The following GALNT13 variants were observed in gnomAD, a reference collection of about 807,000 sequenced individuals.
GALNT13 encodes polypeptide N-acetylgalactosaminyltransferase 13, also known as UDP-GalNAc:polypeptide N-acetylgalactosaminyltransferase 13.
In GALNT13, 28 loss-of-function variants were observed where a neutral mutation model predicts 64.2. The ratio of observed to expected loss-of-function variants is 0.44; its 90% CI spans 0.32 to 0.60. GALNT13 has a LOEUF of 0.60. Among genes scored for constraint, GALNT13 ranks in the 20% least tolerant of loss-of-function variants. GALNT13 has a pLI of 0.05. For synonymous variants in GALNT13, 214 were observed against 224.6 expected (o/e 0.95, Z 0.42); for missense variants, 577 against 669.8 (o/e 0.86, Z 1.53).
chr2:153,237,774 A>G, the GALNT13 span, among the ~76,000 whole-genome samples: 1 of 152,206 alleles, frequency 6.6e-6, no homozygotes, highest in East Asian at 1.9e-4. Context: ...GTTATTGAGA[A>G]TAGTGCTGCA....
intron 4 of GALNT13, among the ~76,000 whole-genome samples, chr2:154,152,694 C>A (rs1164903276): frequency 1.3e-5 from 2 of 152,192 alleles, no homozygotes; most frequent in African/African-American, 4.8e-5. Context: ...TCTTCCATCA[C>A]TGATACTCTT....
At chr2:154,377,205 A>G (rs1698040274) in intron 9 of GALNT13, among the ~76,000 whole-genome samples, 1 of 152,204 alleles carries the variant, frequency 6.6e-6, no homozygotes. Context: ...TACAGAAGAT[A>G]CTATGATAAT....
the GALNT13 span, among the ~76,000 whole-genome samples, chr2:153,311,081 A>C: frequency 2.0e-5 from 3 of 152,230 alleles, no homozygotes; most frequent in African/African-American, 7.2e-5. Context: ...GAAGGAAGAC[A>C]ATATTTTCAG....
chr2:153,266,620 C>T, the GALNT13 span, among the ~76,000 whole-genome samples: 7 of 151,870 alleles, frequency 4.6e-5, no homozygotes, highest in African/African-American at 1.7e-4. Context: ...CAATTTTAAG[C>T]CATCAGATCT....
chr2:153,859,613 T>C, the GALNT13 span, among the ~76,000 whole-genome samples: 1 of 152,124 alleles, frequency 6.6e-6, no homozygotes, highest in African/African-American at 2.4e-5. Context: ...AATAGATAAG[T>C]ATAACATTGT....
At chr2:153,234,514 C>A in the GALNT13 span, among the ~76,000 whole-genome samples, 20 of 152,238 alleles carry the variant, frequency 1.3e-4, no homozygotes, top group African/African-American at 4.8e-4. Flanking sequence ...CAATGGAGAT[C>A]CGCAGATAGA....
the GALNT13 span, among the ~76,000 whole-genome samples, chr2:153,162,293 T>G: frequency 6.6e-6 from 1 of 152,224 alleles, no homozygotes; most frequent in Non-Finnish European, 1.5e-5. Flanking sequence ...AATTTTCACA[T>G]TTTTCATCCA....
At chr2:154,456,514 G>T (rs1702034409), downstream of GALNT13, among the ~76,000 whole-genome samples, 2 of 151,934 alleles carry the variant, frequency 1.3e-5, no homozygotes, top group South Asian at 4.1e-4. Context: ...TAACCTCCAT[G>T]TTTGTGGATT....
chr2:154,368,954 C>A (rs1559117775), intron 9 of GALNT13, among the ~76,000 whole-genome samples: 1 of 151,604 alleles, frequency 6.6e-6, no homozygotes. Flanking sequence ...CCATTGTGTT[C>A]CGGAATTGTA....
chr2:153,215,591 A>C, the GALNT13 span, among the ~76,000 whole-genome samples: 4 of 152,102 alleles, frequency 2.6e-5, no homozygotes, highest in East Asian at 1.9e-4. Context: ...CCAAGGACAC[A>C]AAAGAAGGGG....
chr2:153,142,524 T>A, the GALNT13 span, among the ~76,000 whole-genome samples: 17 of 151,986 alleles, frequency 1.1e-4, no homozygotes, highest in African/African-American at 4.1e-4. Context: ...TAACGTATAT[T>A]ATCTTTTAGC....
chr2:153,481,554 A>G, the GALNT13 span, among the ~76,000 whole-genome samples: 13 of 152,218 alleles, frequency 8.5e-5, no homozygotes, highest in Non-Finnish European at 1.5e-4. Flanking sequence ...ATACTGAGAA[A>G]GACTAACTGC....
chr2:153,090,769 A>G, the GALNT13 span, among the ~76,000 whole-genome samples: 138,082 of 152,154 alleles, frequency 0.91, 63,478 homozygotes, highest in East Asian at 1. Context: ...TCTGGACTCA[A>G]GCTCTTCTTG....
At chr2:153,486,703 G>T in the GALNT13 span, among the ~76,000 whole-genome samples, 1 of 152,012 alleles carries the variant, frequency 6.6e-6, no homozygotes, top group Non-Finnish European at 1.5e-5. Flanking sequence ...CACTGAGCAT[G>T]CAGTTTTCCG....
the GALNT13 span, among the ~76,000 whole-genome samples, chr2:153,335,356 T>C: frequency 6.6e-6 from 1 of 152,216 alleles, no homozygotes; most frequent in African/African-American, 2.4e-5. Flanking sequence ...ATGGGAAAGT[T>C]TGAAACTTTC....
At chr2:153,969,820 G>A (rs1286407609) in intron 3 of GALNT13, among the ~76,000 whole-genome samples, 2 of 152,006 alleles carry the variant, frequency 1.3e-5, no homozygotes, top group African/African-American at 2.4e-5. Flanking sequence ...TAATCTGTGT[G>A]TTATAATTTA....
chr2:153,189,259 C>T, the GALNT13 span, among the ~76,000 whole-genome samples: 1 of 152,134 alleles, frequency 6.6e-6, no homozygotes, highest in East Asian at 1.9e-4. Context: ...TGGTAACTAT[C>T]ATTCTACTCT....
the GALNT13 span, among the ~76,000 whole-genome samples, chr2:153,311,628 C>T: frequency 6.6e-6 from 1 of 152,166 alleles, no homozygotes; most frequent in Non-Finnish European, 1.5e-5. Context: ...TGTTGGCTGG[C>T]CTCAGAGGAT....
chr2:153,163,367 T>C, the GALNT13 span, among the ~76,000 whole-genome samples: 1 of 152,198 alleles, frequency 6.6e-6, no homozygotes, highest in African/African-American at 2.4e-5. Context: ...TTTCGGTCTT[T>C]AAACCTTGGG....
Sources: allele counts gnomAD v4.1 joint callset (sites outside exome capture counted in the v4.1 genomes callset), GRCh38; gene constraint gnomAD v4.1.1; transcripts MANE v1.5; gene names NCBI Gene and HGNC (gene_info 2026-07-23, HGNC 2026-07-21).